PTPRM: variants seen among roughly 807,000 people sequenced by gnomAD.
PTPRM encodes the protein receptor-type tyrosine-protein phosphatase mu.
In PTPRM, 47 loss-of-function variants were observed where a neutral mutation model predicts 186.7. That is an observed-to-expected ratio of 0.25 (90% confidence interval 0.20 to 0.32). The LOEUF is 0.32. Among genes scored for constraint, PTPRM ranks in the 10% least tolerant of loss-of-function variants. PTPRM has a pLI of 1.00. For synonymous variants in PTPRM, 668 were observed against 674.9 expected (o/e 0.99, Z 0.16); for missense variants, 1,494 against 1,865.0 (o/e 0.80, Z 3.66).
intron 8 of PTPRM, among the ~76,000 whole-genome samples, chr18:8,071,420 C>T (rs912515553): frequency 3.3e-5 from 5 of 152,120 alleles, no homozygotes; most frequent in African/African-American, 1.2e-4. Context: ...TCTACCTTTT[C>T]TTTGTGGTTC....
chr18:7,633,124 A>T (rs1440550036), intron 1 of PTPRM, among the ~76,000 whole-genome samples: 1 of 152,228 alleles, frequency 6.6e-6, no homozygotes, highest in East Asian at 1.9e-4. Flanking sequence ...TGCCATGTGC[A>T]ATGAGCCATG....
chr18:8,113,507 GGAAGAACGTCCTC>G lies in PTPRM; in HGVS notation c.1886_1898del (p.Arg629LeufsTer8). Reference sequence around the variant, plus strand: ...CTAGTGTCTATCAAATAGTTGTTGAGGAAGAACGTCCTCGAAGAACTAAAAAGACGACAGAAAT... The same window carrying G: ...CTAGTGTCTATCAAATAGTTGTTGAGGAAGAACTAAAAAGACGACAGAAAT... On this transcript the variant is annotated frameshift_variant, in exon 12 of 33. Coordinates refer to ENST00000580170, the MANE Select transcript of PTPRM (RefSeq NM_001105244.2). LOFTEE classifies it high-confidence loss of function. The G allele has an allele frequency of 6.2e-7, 1 of 1,613,354 alleles. No individual in the cohort carries two copies. Among genetic ancestry groups the G allele is most frequent in the Non-Finnish European group, 8.5e-7 (1 of 1,179,422 alleles).
At chr18:8,324,077 C>CT (rs1440578162) in intron 22 of PTPRM, among the ~76,000 whole-genome samples, 1 of 152,098 alleles carries the variant, frequency 6.6e-6, no homozygotes, top group Non-Finnish European at 1.5e-5. Context: ...TAAAATTATA[C>CT]TTTAAGTTCT....
chr18:7,689,715 A>G, intron 1 of PTPRM, among the ~76,000 whole-genome samples: 1 of 152,232 alleles, frequency 6.6e-6, no homozygotes, highest in East Asian at 1.9e-4. Context: ...TAATTGCTCC[A>G]TTAATGGACT....
intron 7 of PTPRM, among the ~76,000 whole-genome samples, chr18:8,021,209 A>T (rs1329834187): frequency 6.6e-6 from 1 of 152,054 alleles, no homozygotes; most frequent in Admixed American, 6.6e-5. Flanking sequence ...GCATGTGTTG[A>T]TATGACATGG....
intron 5 of PTPRM, among the ~76,000 whole-genome samples, chr18:7,928,153 T>G (rs1005857535): frequency 6.6e-6 from 1 of 152,144 alleles, no homozygotes; most frequent in Non-Finnish European, 1.5e-5. Flanking sequence ...TGGAGAGGCT[T>G]CTTGTTGTTT....
chr18:7,852,094 G>A (rs1567916349), intron 2 of PTPRM, among the ~76,000 whole-genome samples: 1 of 152,128 alleles, frequency 6.6e-6, no homozygotes, highest in Non-Finnish European at 1.5e-5. Context: ...CTAGAAGAGA[G>A]CAGTAAAGGG....
At chr18:7,575,373 G>C (rs2036663564) in intron 1 of PTPRM, among the ~76,000 whole-genome samples, 1 of 152,128 alleles carries the variant, frequency 6.6e-6, no homozygotes, top group African/African-American at 2.4e-5. Flanking sequence ...TGGCTTCCTG[G>C]ACAGCTAAAG....
intron 2 of PTPRM, among the ~76,000 whole-genome samples, chr18:7,780,557 T>A (rs2042805519): frequency 6.6e-6 from 1 of 152,192 alleles, no homozygotes; most frequent in Non-Finnish European, 1.5e-5. Flanking sequence ...GTTCTGAAGC[T>A]CCCTGTTTTA....
chr18:8,168,718 T>C (rs2093357114), intron 14 of PTPRM, among the ~76,000 whole-genome samples: 1 of 152,250 alleles, frequency 6.6e-6, no homozygotes, highest in South Asian at 2.1e-4. Context: ...AAAAAAGTGC[T>C]GAATTTTGTG....
chr18:8,334,784 C>T (rs955108081), intron 22 of PTPRM, among the ~76,000 whole-genome samples: 1 of 152,138 alleles, frequency 6.6e-6, no homozygotes, highest in Non-Finnish European at 1.5e-5. Context: ...TGGACACTGG[C>T]GTCTGTCCAG....
At chr18:8,147,822 C>T (rs1173433477) in intron 14 of PTPRM, among the ~76,000 whole-genome samples, 3 of 152,080 alleles carry the variant, frequency 2.0e-5, no homozygotes, top group Non-Finnish European at 4.4e-5. Flanking sequence ...TGTGTTCCAC[C>T]GATACCTAGC....
chr18:7,730,623 T>A (rs925930817), intron 1 of PTPRM, among the ~76,000 whole-genome samples: 2 of 152,206 alleles, frequency 1.3e-5, no homozygotes, highest in Non-Finnish European at 2.9e-5. Flanking sequence ...CATTTATCTG[T>A]GATTGTATTG....
chr18:7,731,267 A>G (rs895540427), intron 1 of PTPRM, among the ~76,000 whole-genome samples: 1 of 152,134 alleles, frequency 6.6e-6, no homozygotes, highest in Non-Finnish European at 1.5e-5. Context: ...TTTTCCCCCA[A>G]GTTTTGTTCT....
At chr18:7,945,106 G>C (rs143364438) in intron 5 of PTPRM, among the ~76,000 whole-genome samples, 1 of 152,112 alleles carries the variant, frequency 6.6e-6, no homozygotes, top group East Asian at 1.9e-4. Context: ...GGAGAGACTT[G>C]AACTAGCACA....
intron 7 of PTPRM, among the ~76,000 whole-genome samples, chr18:7,983,469 T>C (rs1452577729): frequency 6.6e-6 from 1 of 152,150 alleles, no homozygotes; most frequent in African/African-American, 2.4e-5. Context: ...ACAGAGTCTT[T>C]GCCCTGCCCC....
In PTPRM at chr18:7,747,352, G is replaced by A. The variant is rs139756559; in HGVS notation, c.74-26797G>A. 4.5e-3 allele frequency among the ~76,000 whole-genome samples: 689 copies of A among 152,290 alleles called. 5 individuals are homozygous for A. The highest frequency in any genetic ancestry group is 0.016 in the African/African-American group (676 of 41,578). ...AGAGATGAAGAGGCAGAAAAGGAGA[G>A]GGAGCCTCCATGAGCTCCTGTTTCA... On this transcript the variant is annotated intron_variant, in intron 1 of 32. Transcript: ENST00000580170.
chr18:7,922,874 TG>T (rs1420085754), intron 4 of PTPRM, among the ~76,000 whole-genome samples: 1 of 152,178 alleles, frequency 6.6e-6, no homozygotes. Context: ...TGTTCAATAA[TG>T]GGGGATGTTT....
intron 1 of PTPRM, chr18:7,755,186 G>A (rs1169489981): frequency 1.3e-5 from 2 of 151,846 alleles, no homozygotes; most frequent in African/African-American, 4.8e-5. Context: ...AGCCCTACAG[G>A]AAGGGGTAGA....
Sources: gnomAD v4.1 joint callset for allele counts (sites outside exome capture counted in the v4.1 genomes callset) on GRCh38, gnomAD v4.1.1 for gene constraint, MANE v1.5 for transcripts, NCBI Gene and HGNC (gene_info 2026-07-23, HGNC 2026-07-21) for gene names.